Variants in CDH18 observed in about 807,000 individuals in gnomAD.
CDH18 encodes the protein cadherin-18.
Under a neutral mutation model 67.9 loss-of-function variants are expected in CDH18, and 31 were observed. The observed-to-expected ratio is 0.46, with a 90% CI of 0.34 to 0.62. The LOEUF (loss-of-function observed/expected upper bound fraction) is 0.62. CDH18 is among the 20% of genes least tolerant of loss of function. The probability of loss-of-function intolerance (pLI) is 0.01; values close to 1 mark genes in which losing one functional copy is unlikely to be tolerated. For synonymous variants in CDH18, 362 were observed against 347.2 expected, an observed-to-expected ratio of 1.04 and a Z score of -0.48; for missense variants, 890 against 975.5, an observed-to-expected ratio of 0.91 and a Z score of 1.17.
At chr5:19,716,585 C>G (rs1464586580) in intron 5 of CDH18, among the ~76,000 whole-genome samples, 1 of 151,516 alleles carries the variant, frequency 6.6e-6, no homozygotes. Context: ...TTCTTAGCAT[C>G]TGAGATAGTG....
intron 1 of CDH18, among the ~76,000 whole-genome samples, chr5:20,569,899 G>A (rs918380135): frequency 1.1e-4 from 16 of 152,218 alleles, no homozygotes; most frequent in Admixed American, 7.2e-4. Context: ...CACTTTAAAT[G>A]CATGTTGATT....
intron 8 of CDH18, among the ~76,000 whole-genome samples, chr5:19,558,792 A>T (rs1290492394): frequency 1.3e-5 from 2 of 151,998 alleles, no homozygotes; most frequent in Non-Finnish European, 2.9e-5. Flanking sequence ...TCCCTAAGTG[A>T]TTCCATGAAG....
chr5:20,408,339 G>A (rs961616475), intron 1 of CDH18, among the ~76,000 whole-genome samples: 7 of 151,966 alleles, frequency 4.6e-5, no homozygotes, highest in Admixed American at 2.6e-4. Context: ...CATTGGTAGA[G>A]GTAAAAATAT....
chr5:19,489,868 G>A lies in CDH18; in HGVS notation c.1631-6316C>T. Among the ~76,000 whole-genome samples, 2 of 152,110 alleles carry A rather than the reference G, an allele frequency of 1.3e-5. 1 individual carries two copies. Among genetic ancestry groups the A allele is most frequent in the Non-Finnish European group, 2.9e-5 (2 of 68,010 alleles). Reference sequence around the variant, plus strand: ...TTTGTTGAAGTGTTAATTTAAAGAGGAGGGAAATGAAGAAAAAGTGAGCTT... The same window carrying A: ...TTTGTTGAAGTGTTAATTTAAAGAGAAGGGAAATGAAGAAAAAGTGAGCTT... On this transcript the variant is annotated intron_variant, in intron 11 of 12. Coordinates refer to ENST00000382275, the MANE Select transcript of CDH18 (RefSeq NM_004934.5).
chr5:20,432,816 A>G (rs1328667861), intron 1 of CDH18, among the ~76,000 whole-genome samples: 1 of 151,824 alleles, frequency 6.6e-6, no homozygotes, highest in Non-Finnish European at 1.5e-5. Flanking sequence ...ATTGGGGGTT[A>G]GATTTCCAAC....
At chr5:20,430,924 G>A (rs1468323993) in intron 1 of CDH18, among the ~76,000 whole-genome samples, 1 of 152,028 alleles carries the variant, frequency 6.6e-6, no homozygotes. Flanking sequence ...AATGCTAAAT[G>A]TTACGAAAAT....
intron 11 of CDH18, among the ~76,000 whole-genome samples, chr5:19,500,175 T>G (rs1482380235): frequency 6.6e-6 from 1 of 152,096 alleles, no homozygotes; most frequent in African/African-American, 2.4e-5. Context: ...TTCTGACCCT[T>G]ATTCCACTGT....
chr5:19,819,665 G>A (rs964011648), intron 3 of CDH18, among the ~76,000 whole-genome samples: 1 of 152,172 alleles, frequency 6.6e-6, no homozygotes, highest in Non-Finnish European at 1.5e-5. Context: ...ACTTCCCAGA[G>A]AGGAGGCAGA....
Position 19,858,480 on chromosome 5 carries a change from T to C in CDH18, c.-256-19238A>G, listed in dbSNP as rs563834086. Among the ~76,000 whole-genome samples, 4 of 152,310 alleles carry C rather than the reference T, an allele frequency of 2.6e-5. 1 individual carries two copies. The highest frequency in any genetic ancestry group is 9.6e-5 in the African/African-American group (4 of 41,574). On this transcript the variant is annotated intron_variant, in intron 2 of 12. Coordinates refer to ENST00000382275, the MANE Select transcript of CDH18 (RefSeq NM_004934.5). ...TCAAGTTGTGGCTTGATAGCGCCAA[T>C]ATAATTGCAGATCAGGAGCATATAA...
intron 3 of CDH18, among the ~76,000 whole-genome samples, chr5:19,764,604 T>G (rs1421389090): frequency 1.4e-5 from 2 of 147,848 alleles, no homozygotes; most frequent in Non-Finnish European, 3.0e-5. Flanking sequence ...TTTAATTGAT[T>G]AAGTAGGATT....
chr5:20,038,508 G>A (rs558698865), intron 2 of CDH18, among the ~76,000 whole-genome samples: 4 of 152,090 alleles, frequency 2.6e-5, no homozygotes, highest in South Asian at 2.1e-4. Context: ...CGATCAAGTC[G>A]ACTTCATCCC....
intron 11 of CDH18, among the ~76,000 whole-genome samples, chr5:19,499,928 CTGT>C (rs1742965560): frequency 6.6e-6 from 1 of 152,120 alleles, no homozygotes; most frequent in Non-Finnish European, 1.5e-5. Context: ...TGTCTGATTT[CTGT>C]TGTTTCTCTC....
At chr5:19,489,101 G>T (rs541325280) in intron 11 of CDH18, among the ~76,000 whole-genome samples, 20 of 151,958 alleles carry the variant, frequency 1.3e-4, no homozygotes, top group Non-Finnish European at 2.8e-4. Flanking sequence ...GTCTATTTCT[G>T]CTTTGGATTC....
chr5:19,847,788 G>GTCT (rs5866399), intron 2 of CDH18, among the ~76,000 whole-genome samples: 121,029 of 151,794 alleles, frequency 0.8, 50,153 homozygotes, highest in Non-Finnish European at 0.91. Flanking sequence ...CTGTAGACAT[G>GTCT]TCTTTTGACT....
chr5:20,172,228 A>ATATATATATACGTATATATACG (rs1736864981), intron 2 of CDH18, among the ~76,000 whole-genome samples: 6 of 110,736 alleles, frequency 5.4e-5, no homozygotes, highest in Admixed American at 2.8e-4. Flanking sequence ...ATATATGTAT[A>ATATATATATACGTATATATACG]TATATATATA....
intron 11 of CDH18, among the ~76,000 whole-genome samples, chr5:19,492,612 C>T (rs1478762387): frequency 6.6e-6 from 1 of 151,896 alleles, no homozygotes; most frequent in African/African-American, 2.4e-5. Flanking sequence ...ACTTTAAATG[C>T]TCTAACTTAA....
intron 2 of CDH18, among the ~76,000 whole-genome samples, chr5:19,994,849 TATATATAGAGAG>T (rs1735852351): frequency 3.1e-5 from 1 of 32,334 alleles, no homozygotes. Context: ...TATATATATA[TATATATAGAGAG>T]AGAGAGAGAG....
chr5:20,544,837 AG>A (rs1757253840), intron 1 of CDH18, among the ~76,000 whole-genome samples: 3 of 152,188 alleles, frequency 2.0e-5, no homozygotes, highest in Non-Finnish European at 4.4e-5. Flanking sequence ...CCTTCCCAAC[AG>A]TCACCCAAAG....
chr5:19,866,205 TA>T (rs776261890), intron 2 of CDH18, among the ~76,000 whole-genome samples: 1 of 152,198 alleles, frequency 6.6e-6, no homozygotes, highest in African/African-American at 2.4e-5. Context: ...GGCGTTTCTA[TA>T]ATAAAACTCT....
Sources: gnomAD v4.1 joint callset for allele counts (sites outside exome capture counted in the v4.1 genomes callset) on GRCh38, gnomAD v4.1.1 for gene constraint, MANE v1.5 for transcripts, NCBI Gene and HGNC (gene_info 2026-07-23, HGNC 2026-07-21) for gene names.